Variants in FCHSD2 observed in about 807,000 individuals in gnomAD.
FCHSD2 encodes the protein F-BAR and double SH3 domains protein 2.
Under a neutral mutation model 108.1 loss-of-function variants are expected in FCHSD2, and 38 were observed. That is an observed-to-expected ratio of 0.35 (90% CI 0.27 to 0.46). FCHSD2 has a LOEUF of 0.46. Among genes scored for constraint, FCHSD2 ranks in the 20% least tolerant of loss-of-function variants. The pLI, the probability that FCHSD2 is intolerant of heterozygous loss-of-function variation, is 1.00. For synonymous variants in FCHSD2, 279 were observed against 314.7 expected (o/e 0.89, Z 1.20); for missense variants, 751 against 897.8 (o/e 0.84, Z 2.09).
intron 8 of FCHSD2, among the ~76,000 whole-genome samples, chr11:72,944,759 G>A (rs1856486368): frequency 6.6e-6 from 1 of 152,092 alleles, no homozygotes; most frequent in South Asian, 2.1e-4. Flanking sequence ...ACCAATAACA[G>A]ACAAACAGAG....
At chr11:72,975,888 T>C (rs1473427249) in intron 8 of FCHSD2, among the ~76,000 whole-genome samples, 1 of 152,230 alleles carries the variant, frequency 6.6e-6, no homozygotes, top group African/African-American at 2.4e-5. Context: ...TTCCATTAAA[T>C]TGACGTTTGT....
intron 13 of FCHSD2, among the ~76,000 whole-genome samples, chr11:72,856,362 T>A (rs1217183009): frequency 6.6e-6 from 1 of 152,206 alleles, no homozygotes; most frequent in African/African-American, 2.4e-5. Flanking sequence ...ATTAAATGGC[T>A]TTCTCTTGAG....
chr11:72,961,407 TG>T (rs1439640406), intron 8 of FCHSD2, among the ~76,000 whole-genome samples: 35 of 87,334 alleles, frequency 4.0e-4, no homozygotes, highest in Non-Finnish European at 8.6e-4. Context: ...AGAAGTTTTT[TG>T]TTGTTGTTGT....
At chr11:73,034,875 T>G (rs886963882) in intron 3 of FCHSD2, among the ~76,000 whole-genome samples, 6 of 152,204 alleles carry the variant, frequency 3.9e-5, no homozygotes, top group African/African-American at 1.4e-4. Flanking sequence ...AATCTGTCTG[T>G]CAACAACACA....
intron 7 of FCHSD2, 36 bp downstream of exon 7, chr11:72,985,026 T>C: frequency 1.2e-6 from 1 of 848,330 alleles, no homozygotes; most frequent in Non-Finnish European, 1.9e-6. Flanking sequence ...AGCTAAGAGG[T>C]TTCTCAGTTG....
chr11:72,922,314 ACT>A (rs1380834778), intron 8 of FCHSD2, among the ~76,000 whole-genome samples: 2 of 152,094 alleles, frequency 1.3e-5, no homozygotes, highest in Non-Finnish European at 1.5e-5. Flanking sequence ...AAGAGTAGAC[ACT>A]CTACAATAAT....
chr11:72,914,642 C>T (rs1173146085), intron 9 of FCHSD2, among the ~76,000 whole-genome samples: 2 of 152,122 alleles, frequency 1.3e-5, no homozygotes, highest in Admixed American at 6.6e-5. Context: ...GAAAGGATTC[C>T]CTATTTAATA....
intron 8 of FCHSD2, among the ~76,000 whole-genome samples, chr11:72,963,962 T>C (rs1270051096): frequency 1.3e-5 from 2 of 152,210 alleles, no homozygotes; most frequent in Non-Finnish European, 2.9e-5. Context: ...AATTAATAGA[T>C]GGGTAAACTT....
intron 2 of FCHSD2, among the ~76,000 whole-genome samples, chr11:73,091,715 G>A (rs367745075): frequency 7.2e-5 from 11 of 152,012 alleles, no homozygotes; most frequent in African/African-American, 1.9e-4. Flanking sequence ...ATTTCCTCCC[G>A]TTATTTGGCC....
chr11:72,939,900 G>A (rs576040979), intron 8 of FCHSD2, among the ~76,000 whole-genome samples: 1 of 152,148 alleles, frequency 6.6e-6, no homozygotes, highest in East Asian at 1.9e-4. Flanking sequence ...TTACAGGCAT[G>A]AGCCACCATG....
chr11:72,987,435 T>G (rs893800173), intron 6 of FCHSD2, among the ~76,000 whole-genome samples: 1 of 152,266 alleles, frequency 6.6e-6, no homozygotes, highest in African/African-American at 2.4e-5. Flanking sequence ...TTTGAGTTTC[T>G]AATTCTAGGC....
intron 8 of FCHSD2, 111 bp downstream of exon 8, chr11:72,983,977 A>C: frequency 1.2e-6 from 1 of 820,812 alleles, no homozygotes. Flanking sequence ...ATGAGATGCA[A>C]CATAGCCTGG....
At chr11:73,031,167 T>TA (rs755880159) in intron 3 of FCHSD2, among the ~76,000 whole-genome samples, 11 of 151,756 alleles carry the variant, frequency 7.2e-5, no homozygotes, top group East Asian at 1.9e-4. Flanking sequence ...TCTAAAAAAA[T>TA]AAAAAAACTT....
chr11:73,119,616 T>G (rs1320688551), intron 2 of FCHSD2, among the ~76,000 whole-genome samples: 1 of 152,076 alleles, frequency 6.6e-6, no homozygotes, highest in Non-Finnish European at 1.5e-5. Context: ...CTGGCTAATT[T>G]TTTTTATTTT....
intron 8 of FCHSD2, among the ~76,000 whole-genome samples, chr11:72,936,091 C>T (rs181831271): frequency 6.6e-5 from 10 of 152,346 alleles, no homozygotes; most frequent in Admixed American, 5.9e-4. Flanking sequence ...TTACTAGCAA[C>T]CATCACTCTG....
intron 8 of FCHSD2, among the ~76,000 whole-genome samples, chr11:72,948,350 C>G (rs1203448750): frequency 6.6e-6 from 1 of 152,142 alleles, no homozygotes; most frequent in Non-Finnish European, 1.5e-5. Flanking sequence ...TGAAACATTT[C>G]AATTACTTCA....
chr11:72,964,092 G>A (rs1856862318), intron 8 of FCHSD2, among the ~76,000 whole-genome samples: 1 of 152,112 alleles, frequency 6.6e-6, no homozygotes, highest in South Asian at 2.1e-4. Flanking sequence ...TACAAACATG[G>A]ATAATATAGT....
intron 12 of FCHSD2, among the ~76,000 whole-genome samples, chr11:72,882,348 A>C (rs1855107945): frequency 6.6e-6 from 1 of 152,020 alleles, no homozygotes; most frequent in South Asian, 2.1e-4. Context: ...ACAGAGCAAG[A>C]CTTCGTCTCA....
At chr11:73,061,316 G>C (rs1229519095) in intron 3 of FCHSD2, among the ~76,000 whole-genome samples, 2 of 152,252 alleles carry the variant, frequency 1.3e-5, no homozygotes, top group African/African-American at 4.8e-5. Flanking sequence ...CTGCAGACCA[G>C]GAGATTCCCT....
Sources: allele counts gnomAD v4.1 joint callset (sites outside exome capture counted in the v4.1 genomes callset), GRCh38; gene constraint gnomAD v4.1.1; transcripts MANE v1.5; gene names NCBI Gene and HGNC (gene_info 2026-07-23, HGNC 2026-07-21).